Variants in ABL2 observed in about 807,000 individuals in gnomAD.
ABL2 encodes ABL proto-oncogene 2, non-receptor tyrosine kinase, also known as tyrosine-protein kinase ABL2.
ABL2 carries 49 observed loss-of-function variants against 107.7 expected under a neutral mutation model. The ratio of observed to expected loss-of-function variants is 0.45; its 90% CI spans 0.36 to 0.58. The LOEUF is 0.58. Ranked by LOEUF, ABL2 falls within the 20% of genes least tolerant of loss-of-function variation. ABL2 has a pLI of 0.00. For missense variants in ABL2, 1,245 were observed against 1,457.0 expected, an observed-to-expected ratio of 0.85 and a Z score of 2.37; for synonymous variants, 549 against 548.6, an observed-to-expected ratio of 1.00 and a Z score of -0.01.
chr1:179,135,712 G>T (rs1322912478), intron 1 of ABL2, among the ~76,000 whole-genome samples: 1 of 145,730 alleles, frequency 6.9e-6, no homozygotes, highest in African/African-American at 2.5e-5. Flanking sequence ...CCTCTGCCCG[G>T]CCGCCCCTAC....
intron 1 of ABL2, among the ~76,000 whole-genome samples, chr1:179,188,254 C>T (rs1396405260): frequency 6.6e-6 from 1 of 152,150 alleles, no homozygotes; most frequent in Non-Finnish European, 1.5e-5. Flanking sequence ...TCTAAAACAG[C>T]ACATCTGCTG....
chr1:179,174,897 AAAAAAAAAAAATAAAAT>A (rs1308513826), intron 1 of ABL2, among the ~76,000 whole-genome samples: 2 of 76,104 alleles, frequency 2.6e-5, no homozygotes, highest in South Asian at 4.2e-4. Context: ...CTCTGTCTCA[AAAAAAAAAAAATAAAAT>A]AAAAAAAATA....
At position 179,205,343 on chromosome 1, in the gene ABL2, A is replaced by G. The variant is rs977192967; in HGVS notation, c.157+23898T>C. ...CCCGGCCCATTACAACTCTTCATCA[A>G]ATATTTCCAGCTGCCCTCCCAGGCA... On this transcript the variant is annotated intron_variant, in intron 1 of 11. Transcript: ENST00000502732. Among the ~76,000 whole-genome samples the G allele has an allele frequency of 3.3e-5, 5 of 152,210 alleles. No homozygotes were observed. In the South Asian group the frequency reaches 1.0e-3, roughly 32 times the overall value.
intron 1 of ABL2, among the ~76,000 whole-genome samples, chr1:179,175,921 T>A (rs1660016860): frequency 6.7e-6 from 1 of 149,332 alleles, no homozygotes; most frequent in Admixed American, 6.8e-5. Flanking sequence ...AGTGGTACGA[T>A]CTTGGCTCAC....
In ABL2 at chr1:179,107,813, C is replaced by G; in HGVS notation, c.3454G>C (p.Val1152Leu). 2 of 1,614,234 alleles carry G rather than the reference C, an allele frequency of 1.2e-6. No individual in the cohort carries two copies. Among genetic ancestry groups the G allele is most frequent in the African/African-American group, 1.3e-5 (1 of 75,062 alleles). The change falls in exon 12 of 12, where the codon GTT becomes CTT. Residue 1152 changes from valine (V) to leucine (L), a missense_variant. By Grantham distance (32) the Val-to-Leu change is conservative (BLOSUM62 1). Around this residue, in one of 3 missense-constraint regions of ABL2, gnomAD observed 761 missense variants for 766.4 expected, o/e 0.99. Transcript: ENST00000502732. ...GGCACACCAGCAGCTGCTGAAGAAACCTGTAGCTCCTGCAGGCTGAGTTCC... is the reference window on the plus strand; with the variant it reads ...GGCACACCAGCAGCTGCTGAAGAAAGCTGTAGCTCCTGCAGGCTGAGTTCC... ...KLELSLQELQ[V>L]SSAAAGVPGT...
At chr1:179,206,377 T>C (rs1384036863) in intron 1 of ABL2, among the ~76,000 whole-genome samples, 3 of 152,040 alleles carry the variant, frequency 2.0e-5, no homozygotes, top group South Asian at 2.1e-4. Flanking sequence ...TCTATAGCCA[T>C]ACTAGCACAT....
chr1:179,200,946 G>C (rs1476591702), intron 1 of ABL2, among the ~76,000 whole-genome samples: 1 of 152,238 alleles, frequency 6.6e-6, no homozygotes, highest in Admixed American at 6.5e-5. Context: ...TGTCTCCAAG[G>C]TTCTTCTTAG....
At chr1:179,114,339 T>C (rs1046660622) in intron 9 of ABL2, among the ~76,000 whole-genome samples, 7 of 149,072 alleles carry the variant, frequency 4.7e-5, no homozygotes, top group African/African-American at 1.2e-4. Flanking sequence ...ACCCATGAGG[T>C]AGAGGTTTCA....
chr1:179,112,824 G>A (rs531208197), intron 9 of ABL2, among the ~76,000 whole-genome samples: 12 of 151,382 alleles, frequency 7.9e-5, no homozygotes, highest in Non-Finnish European at 1.6e-4. Context: ...GCGCGATCTC[G>A]GTTCACTGCA....
At chr1:179,115,079 T>C (rs373803909) in intron 8 of ABL2, 49 bp from the exon 9 acceptor site, 6 of 1,520,472 alleles carry the variant, frequency 3.9e-6, no homozygotes, top group Non-Finnish European at 5.3e-6. Flanking sequence ...TCCGATTATT[T>C]ATTTTACATA....
Position 179,106,266 on chromosome 1 carries a change from T to A in ABL2, c.*1452A>T, listed in dbSNP as rs920648994. 5 of 227,962 alleles carry A rather than the reference T, an allele frequency of 2.2e-5. No individual in the cohort carries two copies. The highest frequency in any genetic ancestry group is 3.5e-5 in the Non-Finnish European group (4 of 114,876). 14.1% of individuals were successfully genotyped at this position (227,962 alleles called of 1,614,324 possible). Reference sequence around the variant, plus strand: ...CATTAGATTCACTTCCATGCCATCCTAATTAGCTTCCACAATTATAACTAA... The same window carrying A: ...CATTAGATTCACTTCCATGCCATCCAAATTAGCTTCCACAATTATAACTAA... On this transcript the variant is annotated 3_prime_UTR_variant, in exon 12 of 12. Transcript: ENST00000502732.
At chr1:179,117,980 CA>C (rs544704710) in intron 7 of ABL2, among the ~76,000 whole-genome samples, 9 of 149,494 alleles carry the variant, frequency 6.0e-5, no homozygotes, top group African/African-American at 1.7e-4. Flanking sequence ...ACAAAACAAA[CA>C]AAAAAAAACC....
chr1:179,166,893 C>A (rs868036044), intron 1 of ABL2, among the ~76,000 whole-genome samples: 6 of 150,964 alleles, frequency 4.0e-5, no homozygotes, highest in African/African-American at 1.5e-4. Context: ...ATTAAAAAGA[C>A]AAAAAATAAC....
rs775030033 is a variant in ABL2 at position 179,110,316 on chromosome 1, A to T, written c.1791T>A (p.Asp597Glu). ...AACTGGAAGCAGAATTTTCTGTGGC[A>T]TCTTGTGCCCCTTCAATGTTCTCCT... ...ENKENIEGAQ[D>E]ATENSASSLA... Residue 597 changes from aspartate to glutamate, a missense_variant, in exon 11 of 12, where the codon GAT (aspartate) becomes GAA (glutamate). Transcript: ENST00000502732. The T allele has an allele frequency of 1.9e-6, 3 of 1,614,202 alleles. No individual in the cohort carries two copies. Among genetic ancestry groups the T allele is most frequent in the South Asian group, 1.1e-5 (1 of 91,070 alleles).
chr1:179,218,224 T>A (rs563964028), intron 1 of ABL2, among the ~76,000 whole-genome samples: 1 of 152,318 alleles, frequency 6.6e-6, no homozygotes, highest in Admixed American at 6.5e-5. Flanking sequence ...TCAAGAGACC[T>A]CTAATGTACG....
intron 11 of ABL2, 47 bp downstream of exon 11, chr1:179,110,235 A>C (rs531968049): frequency 6.2e-7 from 1 of 1,608,188 alleles, no homozygotes; most frequent in Non-Finnish European, 8.5e-7. Flanking sequence ...ATGCTTCTTT[A>C]AACAAGGCAG....
At chr1:179,153,991 T>A (rs1658531884) in intron 1 of ABL2, among the ~76,000 whole-genome samples, 1 of 152,200 alleles carries the variant, frequency 6.6e-6, no homozygotes, top group Non-Finnish European at 1.5e-5. Context: ...CCCAGAAACA[T>A]CATGATCATT....
At chr1:179,136,148 G>A (rs1451519289) in intron 1 of ABL2, among the ~76,000 whole-genome samples, 38 of 151,820 alleles carry the variant, frequency 2.5e-4, no homozygotes, top group Admixed American at 5.2e-4. Context: ...GCCTCTGCCC[G>A]GCTGCCCCTA....
At chr1:179,192,269 T>C (rs941227279) in intron 1 of ABL2, among the ~76,000 whole-genome samples, 8 of 152,170 alleles carry the variant, frequency 5.3e-5, no homozygotes, top group African/African-American at 1.9e-4. Flanking sequence ...CAACTACTCA[T>C]ATCCCACCAC....
Sources: allele counts gnomAD v4.1 joint callset (sites outside exome capture counted in the v4.1 genomes callset), GRCh38; gene constraint gnomAD v4.1.1; regional missense constraint gnomAD v4.1.1; transcripts MANE v1.5; gene names NCBI Gene and HGNC (gene_info 2026-07-23, HGNC 2026-07-21).